Variants in TBPL2 observed in about 807,000 individuals in gnomAD.
TBPL2 encodes TATA-box binding protein like 2, also known as TATA box-binding protein-like 2.
TBPL2 carries 40 observed loss-of-function variants against 38.2 expected under a neutral mutation model. The observed-to-expected ratio is 1.05, with a 90% CI of 0.81 to 1.36. The LOEUF (loss-of-function observed/expected upper bound fraction) is 1.36. Ranked by LOEUF, TBPL2 falls within the 40% of genes most tolerant of loss-of-function variation. The probability of loss-of-function intolerance (pLI) is 0.00; values close to 1 mark genes in which losing one functional copy is unlikely to be tolerated. For synonymous variants in TBPL2, 169 were observed against 171.7 expected (o/e 0.98, Z 0.12); for missense variants, 461 against 456.7 (o/e 1.01, Z -0.09).
intron 6 of TBPL2, among the ~76,000 whole-genome samples, chr14:55,416,963 T>C (rs1418132488): frequency 6.6e-6 from 1 of 152,026 alleles, no homozygotes; most frequent in African/African-American, 2.4e-5. Context: ...AGCTCAGGAG[T>C]AGAGCATTGG....
chr14:55,429,766 C>CAAAAAAAAAAAAA (rs71131266), intron 4 of TBPL2, among the ~76,000 whole-genome samples: 2 of 52,392 alleles, frequency 3.8e-5, no homozygotes, highest in Non-Finnish European at 6.5e-5. Context: ...AACTCCGTCT[C>CAAAAAAAAAAAAA]AAAAAAAAAA....
intron 5 of TBPL2, among the ~76,000 whole-genome samples, chr14:55,425,925 G>T (rs577652698): frequency 2.6e-5 from 4 of 152,246 alleles, no homozygotes; most frequent in Admixed American, 6.5e-5. Context: ...TAGTCACCTA[G>T]ATCTTATTCA....
intron 4 of TBPL2, among the ~76,000 whole-genome samples, chr14:55,430,278 T>C (rs2140174636): frequency 6.6e-6 from 1 of 152,184 alleles, no homozygotes; most frequent in South Asian, 2.1e-4. Flanking sequence ...CTTGTTTGCC[T>C]GGACTAAAGC....
chr14:55,424,108 A>C (rs1207431474), intron 6 of TBPL2, 51 bp downstream of exon 6: 1 of 1,288,504 alleles, frequency 7.8e-7, no homozygotes, highest in Non-Finnish European at 1.1e-6. Flanking sequence ...TAAGCAAAGC[A>C]CATGCATAGC....
chr14:55,415,771 CA>C (rs1885659409), intron 6 of TBPL2, among the ~76,000 whole-genome samples: 1 of 151,996 alleles, frequency 6.6e-6, no homozygotes, highest in Admixed American at 6.6e-5. Context: ...GAGGCTGAGG[CA>C]GGAGAATTGC....
chr14:55,440,504 G>C lies in TBPL2; in HGVS notation c.42C>G (p.Leu14=), dbSNP rs773238145. The stretch of plus-strand genomic sequence containing the variant: ...GCGGGTAAGAGGGTAAGCGCGGAGC[G>C]AGCAGCCTCGGAACCCGCTCCGGCC... The change falls in exon 1 of 7, where the codon CTC becomes CTG. Residue 14 remains leucine (L), a synonymous_variant. Coordinates refer to ENST00000247219, the Ensembl canonical transcript of TBPL2. 1.5e-5 allele frequency: 24 copies of C among 1,611,794 alleles called. No individual in the cohort carries two copies. In the Admixed American group the frequency reaches 1.5e-4, roughly 10 times the overall value.
At chr14:55,436,035 T>C in intron 2 of TBPL2, 101 bp from the exon 3 acceptor site, 1 of 656,522 alleles carries the variant, frequency 1.5e-6, no homozygotes, top group Non-Finnish European at 2.5e-6. Flanking sequence ...CCTTAGCAAT[T>C]TCCTAGGGGG....
intron 5 of TBPL2, among the ~76,000 whole-genome samples, chr14:55,428,476 C>A (rs1383766721): frequency 6.6e-6 from 1 of 152,020 alleles, no homozygotes; most frequent in Non-Finnish European, 1.5e-5. Flanking sequence ...ATGTGTGGGC[C>A]TCTGACCAGT....
Position 55,439,617 on chromosome 14 carries a change from C to CCCGCCCG in TBPL2, c.150+778_150+779insCGGGCGG, listed in dbSNP as rs1886074724. On this transcript the variant is annotated intron_variant, in intron 1 of 6. Coordinates refer to ENST00000247219, the Ensembl canonical transcript of TBPL2. ...ACCAGCCTGGGGAGAAAAGCAAACC[C>CCCGCCCG]CCCCCCGTCTCTACTAAAAAATACA... Among the ~76,000 whole-genome samples, 2 of 72,628 alleles carry CCCGCCCG rather than the reference C, an allele frequency of 2.8e-5. 1 individual carries two copies. The highest frequency in any genetic ancestry group is 9.0e-5 in the African/African-American group (2 of 22,232). The allele number at this position is 72,628 out of a possible 152,430, so 47.6% of individuals were successfully genotyped here.
chr14:55,425,883 T>G (rs377000768), intron 5 of TBPL2, among the ~76,000 whole-genome samples: 1 of 152,244 alleles, frequency 6.6e-6, no homozygotes, highest in Non-Finnish European at 1.5e-5. Flanking sequence ...GCTATATTGC[T>G]TGCCATTATC....
At chr14:55,429,494 T>A (rs1008760212) in intron 4 of TBPL2, among the ~76,000 whole-genome samples, 1 of 152,182 alleles carries the variant, frequency 6.6e-6, no homozygotes, top group Non-Finnish European at 1.5e-5. Flanking sequence ...CTGGGCACAG[T>A]GGCTCACGCC....
intron 6 of TBPL2, among the ~76,000 whole-genome samples, chr14:55,422,528 C>T (rs1885760309): frequency 2.0e-5 from 3 of 152,124 alleles, no homozygotes; most frequent in Admixed American, 1.3e-4. Flanking sequence ...GGATTACAGG[C>T]GTGAGCCACC....
Position 55,424,263 on chromosome 14 carries a change from T to C in TBPL2, c.957-10A>G. The C allele has an allele frequency of 6.3e-7, 1 of 1,584,702 alleles. No homozygotes were observed. Among genetic ancestry groups the C allele is most frequent in the Non-Finnish European group, 8.7e-7 (1 of 1,154,650 alleles). On this transcript the variant is annotated splice_polypyrimidine_tract_variant and intron_variant, in intron 5 of 6. Coordinates refer to ENST00000247219, the Ensembl canonical transcript of TBPL2. ...CAGTTCAGGCTCGTAACTGTTAAGA[T>C]GTAAAAGGAAAATGTTAAAAATAGC...
At chr14:55,437,760 A>G (rs963826623) in intron 1 of TBPL2, among the ~76,000 whole-genome samples, 1 of 152,260 alleles carries the variant, frequency 6.6e-6, no homozygotes, top group African/African-American at 2.4e-5. Flanking sequence ...TAAATAGAAT[A>G]AATGAAGGAA....
intron 6 of TBPL2, among the ~76,000 whole-genome samples, chr14:55,419,212 C>T (rs1240571773): frequency 6.6e-6 from 1 of 152,184 alleles, no homozygotes; most frequent in Non-Finnish European, 1.5e-5. Flanking sequence ...TGCCTGTTGC[C>T]CTGCGGCACA....
At chr14:55,437,484 G>T (rs143580328) in intron 1 of TBPL2, among the ~76,000 whole-genome samples, 2 of 152,120 alleles carry the variant, frequency 1.3e-5, no homozygotes, top group Non-Finnish European at 2.9e-5. Context: ...TCTAAAAAAT[G>T]ATTCTATTAC....
At chr14:55,423,772 G>C (rs529034996) in intron 6 of TBPL2, among the ~76,000 whole-genome samples, 3 of 152,312 alleles carry the variant, frequency 2.0e-5, no homozygotes, top group Admixed American at 2.0e-4. Context: ...AGACCCTGTG[G>C]CTCACAAAGC....
At chr14:55,427,496 G>A (rs1020952190) in intron 5 of TBPL2, among the ~76,000 whole-genome samples, 12 of 152,098 alleles carry the variant, frequency 7.9e-5, no homozygotes, top group Admixed American at 3.3e-4. Context: ...CTCTATTGAC[G>A]GGATAATCAT....
At chr14:55,433,609 T>C (rs1435309762) in intron 4 of TBPL2, 21 bp downstream of exon 4, 1 of 1,592,082 alleles carries the variant, frequency 6.3e-7, no homozygotes, top group Admixed American at 1.7e-5. Context: ...CTGGTAGGGG[T>C]GGAGGGATGA....
Sources: gnomAD v4.1 joint callset for allele counts (sites outside exome capture counted in the v4.1 genomes callset) on GRCh38, gnomAD v4.1.1 for gene constraint, MANE v1.5 for transcripts, NCBI Gene and HGNC (gene_info 2026-07-23, HGNC 2026-07-21) for gene names.